The following CTDP1 variants were observed in gnomAD, a reference collection of about 807,000 sequenced individuals.
The protein encoded by CTDP1 is CTD phosphatase 1, also known as RNA polymerase II subunit A C-terminal domain phosphatase.
Under a neutral mutation model 91.8 loss-of-function variants are expected in CTDP1, and 47 were observed. The ratio of observed to expected loss-of-function variants is 0.51; its 90% confidence interval spans 0.41 to 0.65. The LOEUF is 0.65. CTDP1 is among the 30% of genes least tolerant of loss of function. The pLI is 0.00. For synonymous variants in CTDP1, 656 were observed against 598.5 expected, an observed-to-expected ratio of 1.10 and a Z score of -1.40; for missense variants, 1,272 against 1,373.7, an observed-to-expected ratio of 0.93 and a Z score of 1.17.
At chr18:79,756,538 G>A (rs1017013827), downstream of CTDP1, 3 of 152,224 alleles carry the variant, frequency 2.0e-5, no homozygotes, top group Non-Finnish European at 2.9e-5. Context: ...TCTGTGCTAT[G>A]CGAAGAAACC....
At chr18:79,679,749 C>A (rs558744761), upstream of CTDP1, 29 of 528,678 alleles carry the variant, frequency 5.5e-5, no homozygotes, top group South Asian at 5.5e-4. Context: ...CGTATTTACA[C>A]GCGCACGTAC....
chr18:79,730,573 C>T (rs2086545174), intron 11 of CTDP1, among the ~76,000 whole-genome samples: 1 of 152,254 alleles, frequency 6.6e-6, no homozygotes, highest in South Asian at 2.1e-4. Flanking sequence ...CGTAACCCCC[C>T]AGATGTAGCT....
At chr18:79,737,552 C>T (rs1455359931) in intron 12 of CTDP1, among the ~76,000 whole-genome samples, 1 of 152,012 alleles carries the variant, frequency 6.6e-6, no homozygotes, top group African/African-American at 2.4e-5. Flanking sequence ...GGGGAGGAGC[C>T]GGTTTGCTTT....
At chr18:79,711,613 C>T (rs8087647) in intron 6 of CTDP1, among the ~76,000 whole-genome samples, 17,970 of 152,258 alleles carry the variant, frequency 0.12, 1,468 homozygotes, top group Non-Finnish European at 0.18. Context: ...TCAGCGTCAG[C>T]ATCTGAGGTT....
At chr18:79,745,447 C>T (rs1212045974) in intron 12 of CTDP1, among the ~76,000 whole-genome samples, 2 of 2,108 alleles carry the variant, frequency 9.5e-4, no homozygotes, top group Admixed American at 0.011. Flanking sequence ...CTCCCGTGCG[C>T]GTTCTGTCCC....
chr18:79,742,700 G>C (rs943316731), intron 12 of CTDP1, among the ~76,000 whole-genome samples: 2 of 152,264 alleles, frequency 1.3e-5, no homozygotes, highest in African/African-American at 2.4e-5. Context: ...GCTCACGCCT[G>C]TAATCCTAGC....
rs536088614 is a variant in CTDP1 at position 79,698,312 on chromosome 18, A to T, written c.621+324A>T. 3.3e-5 allele frequency among the ~76,000 whole-genome samples: 5 copies of T among 151,648 alleles called. No homozygotes were observed. The East Asian group carries it at 7.8e-4, about 24-fold the overall frequency. Reference sequence around the variant, plus strand: ...TGAGGATGGTGTGGTGGATGGTGCGAGGCGTGTCCTGAGAGGGGCAGTCTT... The same window carrying T: ...TGAGGATGGTGTGGTGGATGGTGCGTGGCGTGTCCTGAGAGGGGCAGTCTT... On this transcript the variant is annotated intron_variant, in intron 4 of 12. Coordinates refer to ENST00000613122, the MANE Select transcript of CTDP1 (RefSeq NM_004715.5).
chr18:79,718,362 C>A (rs1445558594), intron 10 of CTDP1, among the ~76,000 whole-genome samples: 1 of 152,194 alleles, frequency 6.6e-6, no homozygotes, highest in East Asian at 1.9e-4. Flanking sequence ...TCTGAGCCCC[C>A]CTCCCCACTC....
chr18:79,684,107 A>G (rs919647187), intron 1 of CTDP1, among the ~76,000 whole-genome samples: 1 of 152,238 alleles, frequency 6.6e-6, no homozygotes, highest in African/African-American at 2.4e-5. Flanking sequence ...CTTGTGTGCC[A>G]TCACCTTAGT....
At chr18:79,694,209 CTG>C (rs2085689418) in intron 1 of CTDP1, among the ~76,000 whole-genome samples, 59 of 146,308 alleles carry the variant, frequency 4.0e-4, no homozygotes, top group African/African-American at 1.4e-3. Context: ...GGCCTCATGT[CTG>C]CAGGGCAGGG....
chr18:79,747,550 T>G (rs1025111861), intron 12 of CTDP1, among the ~76,000 whole-genome samples: 1 of 152,216 alleles, frequency 6.6e-6, no homozygotes, highest in Non-Finnish European at 1.5e-5. Context: ...GCTGACGTCA[T>G]CTGGTGGGTT....
At chr18:79,727,568 G>T (rs1012502017) in intron 10 of CTDP1, among the ~76,000 whole-genome samples, 18 of 152,220 alleles carry the variant, frequency 1.2e-4, no homozygotes, top group Non-Finnish European at 2.5e-4. Context: ...ACTTTGACAA[G>T]GCTTGGGAAG....
chr18:79,735,540 C>T (rs1292154203), intron 11 of CTDP1: 1 of 152,532 alleles, frequency 6.6e-6, no homozygotes, highest in African/African-American at 2.4e-5. Context: ...GCCCCTCGCT[C>T]CTGGGTGTAA....
chr18:79,724,711 T>C (rs1390640784), intron 10 of CTDP1, among the ~76,000 whole-genome samples: 1 of 152,230 alleles, frequency 6.6e-6, no homozygotes, highest in East Asian at 1.9e-4. Flanking sequence ...CTTCTTTCTT[T>C]TAGGAATCGT....
intron 1 of CTDP1, among the ~76,000 whole-genome samples, chr18:79,690,273 G>C (rs983604184): frequency 2.0e-5 from 3 of 152,212 alleles, no homozygotes; most frequent in African/African-American, 7.2e-5. Context: ...CCTCCCCTGA[G>C]AGAGCTGAGA....
chr18:79,712,890 T>A, intron 6 of CTDP1, 82 bp from the exon 7 acceptor site: 1 of 1,465,286 alleles, frequency 6.8e-7, no homozygotes, highest in Admixed American at 1.7e-5. Context: ...TGGATTAGAA[T>A]CTTAAACTGT....
chr18:79,702,513 A>G (rs1385242245), intron 4 of CTDP1, among the ~76,000 whole-genome samples: 3 of 152,106 alleles, frequency 2.0e-5, no homozygotes, highest in Non-Finnish European at 4.4e-5. Context: ...AGCTGGGACT[A>G]CAGGCGTGTA....
At position 79,715,500 on chromosome 18, in the gene CTDP1, G is replaced by A. The variant is rs2086188663; in HGVS notation, c.2040G>A (p.Arg680=). ...TGCTGAGCCCCGACGCCCCTGACAG[G>A]GCCACGCACCTGATCGCCGCGCGAG... The part of the protein sequence containing the change: ...RLVLSPDAPD[R]ATHLIAARAG... The change falls in exon 8 of 13, where the codon AGG becomes AGA. Residue 680 remains arginine, a synonymous_variant. Transcript: ENST00000613122. 1.3e-6 allele frequency: 2 copies of A among 1,570,592 alleles called. No individual in the cohort carries two copies. The highest frequency in any genetic ancestry group is 1.7e-6 in the Non-Finnish European group (2 of 1,160,522).
At chr18:79,679,717 G>C (rs375102439), upstream of CTDP1, 234 of 509,546 alleles carry the variant, frequency 4.6e-4, 1 homozygote, top group East Asian at 8.8e-3. Context: ...GGACGGAGCC[G>C]GCTCCGGCCC....
Sources: allele counts gnomAD v4.1 joint callset (sites outside exome capture counted in the v4.1 genomes callset), GRCh38; gene constraint gnomAD v4.1.1; transcripts MANE v1.5; gene names NCBI Gene and HGNC (gene_info 2026-07-23, HGNC 2026-07-21).